Variants in AGO2 observed in about 807,000 individuals in gnomAD.
AGO2 encodes argonaute RISC catalytic component 2, also known as protein argonaute-2.
A neutral mutation model predicts 102.3 loss-of-function variants in AGO2; 5 were observed. That is an observed-to-expected ratio of 0.05 (90% CI 0.03 to 0.10). AGO2 has a LOEUF of 0.10. Among genes scored for constraint, AGO2 ranks in the 10% least tolerant of loss-of-function variants. AGO2 has a pLI of 1.00. For missense variants in AGO2, 541 were observed against 1,183.7 expected (o/e 0.46, Z 7.97); for synonymous variants, 449 against 473.1 (o/e 0.95, Z 0.66).
intron 12 of AGO2, among the ~76,000 whole-genome samples, chr8:140,548,314 T>C (rs1374484839): frequency 8.3e-6 from 1 of 121,056 alleles, no homozygotes; most frequent in African/African-American, 3.1e-5. Context: ...AGCCCTTGTC[T>C]AAAAAAAAAA....
At chr8:140,577,224 A>AG (rs1379859689) in intron 2 of AGO2, among the ~76,000 whole-genome samples, 1 of 151,416 alleles carries the variant, frequency 6.6e-6, no homozygotes, top group African/African-American at 2.4e-5. Context: ...AAAAAAAAAA[A>AG]AAAAGAAACA....
chr8:140,560,501 G>A lies in AGO2; in HGVS notation c.528C>T (p.Pro176=), dbSNP rs780259291. ...ACGCGGTGAAGAAGGAGCGGCCCAC[G>A]GGGGTGTACCTGGAACCAAGAGACC... ...MRHLPSMRYT[P]VGRSFFTASE... Residue 176 remains proline (P), a synonymous_variant, in exon 5 of 19, where the codon CCC becomes CCT. Coordinates refer to ENST00000220592, the MANE Select transcript of AGO2 (RefSeq NM_012154.5). 2.6e-5 allele frequency: 42 copies of A among 1,613,326 alleles called. No individual in the cohort carries two copies. The East Asian group carries it at 3.1e-4, about 12-fold the overall frequency.
At chr8:140,532,386 C>A in intron 18 of AGO2, 30 bp downstream of exon 18, 1 of 1,597,120 alleles carries the variant, frequency 6.3e-7, no homozygotes, top group Non-Finnish European at 8.5e-7. Context: ...ACCACCCCTG[C>A]TGTGACCTCC....
Position 140,539,340 on chromosome 8 carries a change from A to T in AGO2, c.2149T>A (p.Cys717Ser). 6.2e-7 allele frequency: 1 copy of T among 1,612,716 alleles called. No homozygotes were observed. Among genetic ancestry groups the T allele is most frequent in the Non-Finnish European group, 8.5e-7 (1 of 1,179,268 alleles). The part of the protein sequence containing the change: ...VQKRHHTRLF[C>S]TDKNERVGKS... ...CTCACCCGCTCGTTCTTGTCAGTGC[A>T]GAAGAGCCGGGTGTGGTGCCTCTTC... The change falls in exon 16 of 19, where the codon TGC (cysteine) becomes AGC (serine). Residue 717 changes from cysteine to serine, a missense_variant. Physicochemically the swap from Cys to Ser is moderately radical, Grantham distance 112. Around this residue, in one of 6 missense-constraint regions of AGO2, gnomAD observed 309 missense variants for 735.1 expected, o/e 0.42. Transcript: ENST00000220592. This position sits in a 1 kb window ranked among gnomAD's most constrained non-coding sequence, Gnocchi z 4.7.
At position 140,539,334 on chromosome 8, in the gene AGO2, C is replaced by T; in HGVS notation, c.2155G>A (p.Asp719Asn). The change falls in exon 16 of 19, where the codon GAC becomes AAC. Residue 719 changes from aspartate to asparagine, a missense_variant. Asp to Asn is a conservative substitution (Grantham distance 23, BLOSUM62 1). Transcript: ENST00000220592. The surrounding 1 kb of genome is among the most constrained non-coding windows in gnomAD (Gnocchi z 4.7). ...KRHHTRLFCT[D>N]KNERVGKSGN... ...CAGAAACTCACCCGCTCGTTCTTGT[C>T]AGTGCAGAAGAGCCGGGTGTGGTGC... 6.2e-7 allele frequency: 1 copy of T among 1,610,430 alleles called. No homozygotes were observed.
At chr8:140,559,327 C>A in intron 6 of AGO2, 68 bp downstream of exon 6, 1 of 1,576,870 alleles carries the variant, frequency 6.3e-7, no homozygotes, top group Non-Finnish European at 8.6e-7. Context: ...CTGCAAAATG[C>A]GGTCCCGGAG....
chr8:140,556,023 C>G lies in AGO2; in HGVS notation c.1147-5G>C. 3 of 1,614,062 alleles carry G rather than the reference C, an allele frequency of 1.9e-6. No individual in the cohort carries two copies. Among genetic ancestry groups the G allele is most frequent in the Non-Finnish European group, 2.5e-6 (3 of 1,179,958 alleles). On this transcript the variant is annotated splice_polypyrimidine_tract_variant and splice_region_variant and intron_variant, in intron 9 of 18. Coordinates refer to ENST00000220592, the MANE Select transcript of AGO2 (RefSeq NM_012154.5). ...GTTGAAACTTGCACTTCGCATCTGG[C>G]AAAGGGAAACAAGAAAACGCACGGA...
intron 3 of AGO2, among the ~76,000 whole-genome samples, chr8:140,562,880 A>G (rs1274447657): frequency 6.6e-6 from 1 of 152,158 alleles, no homozygotes; most frequent in African/African-American, 2.4e-5. Context: ...TGGCTGGTGT[A>G]CTCACAGTGG....
At chr8:140,576,521 G>A (rs2073466015) in intron 2 of AGO2, among the ~76,000 whole-genome samples, 1 of 152,200 alleles carries the variant, frequency 6.6e-6, no homozygotes, top group African/African-American at 2.4e-5. Flanking sequence ...TGGCGGGTAA[G>A]CACATCAAAG....
intron 13 of AGO2, among the ~76,000 whole-genome samples, chr8:140,546,561 A>T (rs1176560829): frequency 6.6e-6 from 1 of 152,036 alleles, no homozygotes; most frequent in Non-Finnish European, 1.5e-5. Context: ...AGGATTCTTA[A>T]CTCTGTGACG....
In AGO2 at chr8:140,630,485, G is replaced by A. The variant is rs180812355; in HGVS notation, c.22+5000C>T. On this transcript the variant is annotated intron_variant, in intron 1 of 18. Transcript: ENST00000220592. ...CCTAAACTTTTGGAGGAAAAAATTA[G>A]AATAGTGGCTACAGCGAACAAGTGC... Among the ~76,000 whole-genome samples the A allele has an allele frequency of 5.3e-5, 8 of 152,370 alleles. No individual in the cohort carries two copies. The East Asian group carries it at 9.6e-4, about 18-fold the overall frequency.
the AGO2 span, among the ~76,000 whole-genome samples, chr8:140,642,091 A>G: frequency 6.6e-6 from 1 of 152,226 alleles, no homozygotes; most frequent in East Asian, 1.9e-4. Flanking sequence ...AGAAAAGTTG[A>G]AAACAGAAGA....
chr8:140,591,614 A>T (rs574836685), intron 1 of AGO2: 1 of 152,234 alleles, frequency 6.6e-6, no homozygotes, highest in Admixed American at 6.5e-5. Context: ...AACCATCAAC[A>T]CGGAATTTCC....
rs547718805 is a variant in AGO2, at chr8:140,545,345, C to T, written c.1749-1042G>A. Among the ~76,000 whole-genome samples, 152 of 152,288 alleles carry T rather than the reference C, an allele frequency of 1.0e-3. 3 individuals carry two copies. The South Asian group carries it at 0.027, about 27-fold the overall frequency. ...CATGGCCGAGCCTCAGGCCTCGCTGCGTCTGGCCCGCTGCAGGACACACTT... is the reference window on the plus strand; with the variant it reads ...CATGGCCGAGCCTCAGGCCTCGCTGTGTCTGGCCCGCTGCAGGACACACTT... On this transcript the variant is annotated intron_variant, in intron 13 of 18. Coordinates refer to ENST00000220592, the MANE Select transcript of AGO2 (RefSeq NM_012154.5).
At chr8:140,641,050 C>CT in the AGO2 span, among the ~76,000 whole-genome samples, 1 of 152,210 alleles carries the variant, frequency 6.6e-6, no homozygotes. Flanking sequence ...AATCCCAGCA[C>CT]TTTGGGAGGC....
chr8:140,536,609 G>C (rs1239631643), intron 16 of AGO2, among the ~76,000 whole-genome samples: 1 of 152,244 alleles, frequency 6.6e-6, no homozygotes, highest in African/African-American at 2.4e-5. Flanking sequence ...ACAGGCATGA[G>C]CCAGCGCATC....
intron 16 of AGO2, among the ~76,000 whole-genome samples, chr8:140,537,377 T>G (rs190660418): frequency 3.5e-3 from 529 of 152,044 alleles, no homozygotes; most frequent in Middle Eastern, 0.01. Context: ...TCACAGCTCA[T>G]TGCAGCCTCA....
At chr8:140,569,956 G>A (rs757917107) in intron 3 of AGO2, among the ~76,000 whole-genome samples, 39 of 152,156 alleles carry the variant, frequency 2.6e-4, no homozygotes, top group African/African-American at 4.3e-4. Context: ...GAACGATTCC[G>A]CTCTTACCAC....
chr8:140,595,915 T>C, intron 1 of AGO2, among the ~76,000 whole-genome samples: 1 of 116,494 alleles, frequency 8.6e-6, no homozygotes, highest in South Asian at 2.3e-4. Flanking sequence ...TTATATAATA[T>C]ATATTATGTA....
Sources: gnomAD v4.1 joint callset for allele counts (sites outside exome capture counted in the v4.1 genomes callset) on GRCh38, gnomAD v4.1.1 for gene constraint, gnomAD v4.1.1 regional missense constraint, Gnocchi (gnomAD v3.1) non-coding constraint, MANE v1.5 for transcripts, NCBI Gene and HGNC (gene_info 2026-07-23, HGNC 2026-07-21) for gene names.